SKIC3: variants seen among roughly 807,000 people sequenced by gnomAD.
The protein encoded by SKIC3 is superkiller complex protein 3.
the SKIC3 span, chr5:95,467,918 C>T: frequency 8.1e-6 from 13 of 1,613,434 alleles, no homozygotes; most frequent in African/African-American, 4.0e-5. Flanking sequence ...TAGGTACCAA[C>T]GTGCAGTTGA....
chr5:95,516,990 G>A, the SKIC3 span: 19 of 1,613,418 alleles, frequency 1.2e-5, no homozygotes, highest in Admixed American at 5.0e-5. Context: ...TGTGCTTGGC[G>A]ATAATAATTA....
At chr5:95,511,226 C>T in the SKIC3 span, among the ~76,000 whole-genome samples, 2 of 152,030 alleles carry the variant, frequency 1.3e-5, no homozygotes, top group African/African-American at 2.4e-5. Flanking sequence ...CTGGCTAATA[C>T]CGTGAAACCC....
At chr5:95,543,994 A>T in the SKIC3 span, among the ~76,000 whole-genome samples, 1 of 152,248 alleles carries the variant, frequency 6.6e-6, no homozygotes, top group Admixed American at 6.5e-5. Flanking sequence ...CAGTAGCCAA[A>T]ATGAAATTAG....
At chr5:95,525,078 T>C in the SKIC3 span, among the ~76,000 whole-genome samples, 9 of 151,952 alleles carry the variant, frequency 5.9e-5, no homozygotes, top group African/African-American at 1.9e-4. Context: ...GAGATGGGGT[T>C]TCATCGTGTT....
the SKIC3 span, among the ~76,000 whole-genome samples, chr5:95,528,315 C>A: frequency 7.2e-5 from 11 of 152,178 alleles, no homozygotes; most frequent in African/African-American, 2.7e-4. Flanking sequence ...TCTTCCCTGA[C>A]TTCCTTATGG....
chr5:95,539,843 CAA>C, the SKIC3 span, among the ~76,000 whole-genome samples: 37 of 107,538 alleles, frequency 3.4e-4, no homozygotes, highest in Admixed American at 6.9e-4. Flanking sequence ...CACTCTGCCT[CAA>C]AAAAAAAAAA....
the SKIC3 span, among the ~76,000 whole-genome samples, chr5:95,485,524 C>T: frequency 6.6e-6 from 1 of 152,010 alleles, no homozygotes; most frequent in Non-Finnish European, 1.5e-5. Flanking sequence ...TTATGTATTG[C>T]TGGATTTGAA....
chr5:95,511,306 C>T, the SKIC3 span, among the ~76,000 whole-genome samples: 1 of 152,158 alleles, frequency 6.6e-6, no homozygotes, highest in East Asian at 1.9e-4. Flanking sequence ...ACCTGCTAAT[C>T]GGAAGGCTAA....
At chr5:95,536,441 G>A in the SKIC3 span, 1 of 239,378 alleles carries the variant, frequency 4.2e-6, no homozygotes, top group Admixed American at 5.2e-5. Context: ...ACTATAACAA[G>A]CAAACCTATT....
the SKIC3 span, chr5:95,490,932 G>C: frequency 6.2e-7 from 1 of 1,614,088 alleles, no homozygotes; most frequent in Non-Finnish European, 8.5e-7. Context: ...GCAGATAACA[G>C]TGCCAAGTAT....
At chr5:95,547,904 TTTA>T in the SKIC3 span, among the ~76,000 whole-genome samples, 1 of 152,068 alleles carries the variant, frequency 6.6e-6, no homozygotes, top group Non-Finnish European at 1.5e-5. Context: ...TTACTGTAGG[TTTA>T]TTACCTGTAC....
chr5:95,476,418 T>C, the SKIC3 span, among the ~76,000 whole-genome samples: 4 of 152,222 alleles, frequency 2.6e-5, no homozygotes, highest in Admixed American at 1.3e-4. Flanking sequence ...TTATCACATA[T>C]AATAAAACTT....
the SKIC3 span, chr5:95,548,618 G>C: frequency 5.3e-4 from 80 of 151,866 alleles, no homozygotes; most frequent in East Asian, 0.015. Context: ...TGATTTTTTT[G>C]TAGTTTGCAA....
chr5:95,553,947 C>G, the SKIC3 span, among the ~76,000 whole-genome samples: 1 of 152,208 alleles, frequency 6.6e-6, no homozygotes, highest in East Asian at 1.9e-4. Context: ...TAACTGCAGA[C>G]AGAGCATTTA....
the SKIC3 span, among the ~76,000 whole-genome samples, chr5:95,500,968 G>C: frequency 6.6e-6 from 1 of 152,046 alleles, no homozygotes; most frequent in Non-Finnish European, 1.5e-5. Flanking sequence ...TTCTGAGGCA[G>C]TTCTGAAGTA....
the SKIC3 span, chr5:95,495,071 GAA>G: frequency 6.3e-7 from 1 of 1,579,410 alleles, no homozygotes; most frequent in African/African-American, 1.4e-5. Context: ...TCATGAAAAA[GAA>G]AAAATTAAGA....
the SKIC3 span, among the ~76,000 whole-genome samples, chr5:95,552,105 C>T: frequency 2.4e-4 from 37 of 152,242 alleles, no homozygotes; most frequent in Non-Finnish European, 3.8e-4. Context: ...TTTGACTTTA[C>T]GATGGGCTTA....
chr5:95,507,930 CA>C, the SKIC3 span, among the ~76,000 whole-genome samples: 1,091 of 138,600 alleles, frequency 7.9e-3, 6 homozygotes, highest in South Asian at 8.9e-3. Flanking sequence ...CGATACATAC[CA>C]AAAAAAAAAA....
the SKIC3 span, among the ~76,000 whole-genome samples, chr5:95,474,874 C>T: frequency 6.6e-6 from 1 of 152,198 alleles, no homozygotes; most frequent in East Asian, 1.9e-4. Flanking sequence ...CTCTGAGATT[C>T]TTTCCTCAGC....
Sources: gnomAD v4.1 joint callset for allele counts (sites outside exome capture counted in the v4.1 genomes callset) on GRCh38, gnomAD v4.1.1 for gene constraint, MANE v1.5 for transcripts, NCBI Gene and HGNC (gene_info 2026-07-23, HGNC 2026-07-21) for gene names.